Variants in SBF2 observed in about 807,000 individuals in gnomAD.
SBF2 encodes the protein myotubularin-related protein 13.
A neutral mutation model predicts 225.2 loss-of-function variants in SBF2; 112 were observed. The ratio of observed to expected loss-of-function variants is 0.50; its 90% CI spans 0.43 to 0.58. The LOEUF is 0.58. Among genes scored for constraint, SBF2 ranks in the 20% least tolerant of loss-of-function variants. The pLI, the probability that SBF2 is intolerant of heterozygous loss-of-function variation, is 0.00. For missense variants in SBF2, 1,996 were observed against 2,206.2 expected (o/e 0.90, Z 1.91); for synonymous variants, 763 against 773.3 (o/e 0.99, Z 0.22).
intron 2 of SBF2, among the ~76,000 whole-genome samples, chr11:10,050,044 G>C (rs1365492876): frequency 6.6e-6 from 1 of 152,114 alleles, no homozygotes; most frequent in Non-Finnish European, 1.5e-5. Flanking sequence ...AAGTGAATCA[G>C]TTCTGTGAAT....
intron 16 of SBF2, among the ~76,000 whole-genome samples, chr11:9,905,330 G>C (rs1286402556): frequency 6.6e-6 from 1 of 152,198 alleles, no homozygotes; most frequent in African/African-American, 2.4e-5. Context: ...TGTTGAATGA[G>C]TGATATGCCT....
At chr11:10,006,552 G>C (rs1486187343) in intron 6 of SBF2, among the ~76,000 whole-genome samples, 5 of 152,124 alleles carry the variant, frequency 3.3e-5, no homozygotes, top group African/African-American at 1.2e-4. Context: ...TTCGGGAGGA[G>C]GGGAAATTCT....
chr11:10,265,516 G>A (rs1427674345), intron 1 of SBF2, among the ~76,000 whole-genome samples: 3 of 87,840 alleles, frequency 3.4e-5, no homozygotes, highest in African/African-American at 8.5e-5. Flanking sequence ...AGGTGGGGGG[G>A]TATCAACACA....
chr11:10,050,896 G>T (rs146519270), intron 2 of SBF2, among the ~76,000 whole-genome samples: 534 of 152,170 alleles, frequency 3.5e-3, no homozygotes, highest in African/African-American at 0.012. Flanking sequence ...AATATTTTTG[G>T]ACCTCAGTTG....
At chr11:10,006,109 T>C (rs1481999415) in intron 6 of SBF2, among the ~76,000 whole-genome samples, 1 of 152,134 alleles carries the variant, frequency 6.6e-6, no homozygotes, top group Non-Finnish European at 1.5e-5. Context: ...CACCACCTAT[T>C]CTCCTGTTTT....
At chr11:9,900,483 A>G (rs1861635714) in intron 16 of SBF2, among the ~76,000 whole-genome samples, 3 of 152,076 alleles carry the variant, frequency 2.0e-5, no homozygotes, top group Admixed American at 6.6e-5. Flanking sequence ...TAAATTAGCC[A>G]ATCGGAATTA....
chr11:9,855,103 A>G (rs1857222450), intron 19 of SBF2, among the ~76,000 whole-genome samples: 1 of 152,228 alleles, frequency 6.6e-6, no homozygotes, highest in Non-Finnish European at 1.5e-5. Flanking sequence ...TTGGCAGTAG[A>G]AAGAAGAATA....
intron 1 of SBF2, among the ~76,000 whole-genome samples, chr11:10,230,207 T>C (rs1227987843): frequency 6.6e-6 from 1 of 152,238 alleles, no homozygotes; most frequent in Non-Finnish European, 1.5e-5. Context: ...TGTGTGTCGC[T>C]GCATGTGAGA....
chr11:9,946,677 G>A (rs1031447100), intron 16 of SBF2, among the ~76,000 whole-genome samples: 3 of 151,958 alleles, frequency 2.0e-5, no homozygotes, highest in African/African-American at 4.8e-5. Context: ...CTCGAACTCC[G>A]GACCTCAGGT....
At chr11:10,301,162 C>T (rs1964595746) in intron 1 of SBF2, among the ~76,000 whole-genome samples, 1 of 152,162 alleles carries the variant, frequency 6.6e-6, no homozygotes, top group Admixed American at 6.5e-5. Context: ...GTCCTCCTTG[C>T]CCTTACCACT....
At chr11:10,103,074 T>A (rs1952382080) in intron 2 of SBF2, among the ~76,000 whole-genome samples, 1 of 152,158 alleles carries the variant, frequency 6.6e-6, no homozygotes, top group African/African-American at 2.4e-5. Flanking sequence ...CAGGGTGTCT[T>A]CATTGGGTCT....
At chr11:9,959,138 T>C (rs1377267750) in intron 16 of SBF2, 4 of 952,728 alleles carry the variant, frequency 4.2e-6, no homozygotes, top group South Asian at 1.3e-5. Context: ...CGATGTAAGA[T>C]GAAACAGGTC....
chr11:9,985,666 A>C (rs543507507), intron 13 of SBF2, among the ~76,000 whole-genome samples: 2 of 152,332 alleles, frequency 1.3e-5, no homozygotes, highest in East Asian at 3.9e-4. Context: ...GTAAAGCAAC[A>C]GTGGTTAAAA....
chr11:10,216,832 T>C (rs1267447094), intron 1 of SBF2, among the ~76,000 whole-genome samples: 1 of 152,150 alleles, frequency 6.6e-6, no homozygotes, highest in African/African-American at 2.4e-5. Context: ...ATTGCACCAC[T>C]GTACTCTAGC....
Position 9,896,589 on chromosome 11 carries a change from C to T in SBF2, c.1861-578G>A, listed in dbSNP as rs753462045. Among the ~76,000 whole-genome samples the T allele has an allele frequency of 1.6e-4, 25 of 152,046 alleles. No homozygotes were observed. The Middle Eastern group carries it at 0.01, about 62-fold the overall frequency. ...GGCAGATCACCTGAGGTCAGGAGTT[C>T]GAGACCAGCCTGGCCAACATGGTGA... On this transcript the variant is annotated intron_variant, in intron 16 of 39. Coordinates refer to ENST00000256190, the MANE Select transcript of SBF2 (RefSeq NM_030962.4).
intron 36 of SBF2, among the ~76,000 whole-genome samples, chr11:9,787,351 A>C (rs1242629618): frequency 1.3e-5 from 2 of 152,218 alleles, no homozygotes; most frequent in African/African-American, 4.8e-5. Flanking sequence ...AGATCAGCTG[A>C]AACCACACGG....
At chr11:10,081,963 A>G (rs546272829) in intron 2 of SBF2, among the ~76,000 whole-genome samples, 1 of 152,166 alleles carries the variant, frequency 6.6e-6, no homozygotes, top group Non-Finnish European at 1.5e-5. Flanking sequence ...TACTTAGAAA[A>G]TATAAACAAA....
chr11:10,194,301 C>G (rs1364110063), intron 1 of SBF2, among the ~76,000 whole-genome samples: 1 of 152,052 alleles, frequency 6.6e-6, no homozygotes, highest in Non-Finnish European at 1.5e-5. Flanking sequence ...ACAAATATTT[C>G]CATACCATTT....
chr11:9,885,455 C>T lies in SBF2; in HGVS notation c.1929+10488G>A, dbSNP rs79237795. On this transcript the variant is annotated intron_variant, in intron 17 of 39. Coordinates refer to ENST00000256190, the MANE Select transcript of SBF2 (RefSeq NM_030962.4). Reference sequence around the variant, plus strand: ...TTCCAACCCTCACGTTGCCCACGAACAAAACTCTTTCAAGTCTAGGTCTGT... The same window carrying T: ...TTCCAACCCTCACGTTGCCCACGAATAAAACTCTTTCAAGTCTAGGTCTGT... Among the ~76,000 whole-genome samples, 1,296 of 152,038 alleles carry T rather than the reference C, an allele frequency of 8.5e-3. 12 individuals carry two copies. The highest frequency in any genetic ancestry group is 0.03 in the African/African-American group (1,226 of 41,472).
Sources: gnomAD v4.1 joint callset for allele counts (sites outside exome capture counted in the v4.1 genomes callset) on GRCh38, gnomAD v4.1.1 for gene constraint, MANE v1.5 for transcripts, NCBI Gene and HGNC (gene_info 2026-07-23, HGNC 2026-07-21) for gene names.